RPGRIP1L: variants seen among roughly 807,000 people sequenced by gnomAD.
RPGRIP1L encodes the protein RPGRIP1 like, also known as protein fantom.
In RPGRIP1L, 131 loss-of-function variants were observed where a neutral mutation model predicts 160.4. The ratio of observed to expected loss-of-function variants is 0.82; its 90% CI spans 0.71 to 0.94. The LOEUF (loss-of-function observed/expected upper bound fraction) is 0.94. Ranked by LOEUF, RPGRIP1L falls within the 40% of genes least tolerant of loss-of-function variation. RPGRIP1L has a pLI of 0.00. For synonymous variants in RPGRIP1L, 510 were observed against 515.8 expected, an observed-to-expected ratio of 0.99 and a Z score of 0.15; for missense variants, 1,522 against 1,535.8, an observed-to-expected ratio of 0.99 and a Z score of 0.15.
intron 9 of RPGRIP1L, among the ~76,000 whole-genome samples, chr16:53,669,492 G>T (rs1968539354): frequency 1.3e-5 from 2 of 151,372 alleles, no homozygotes; most frequent in African/African-American, 4.8e-5. Flanking sequence ...TATACTCTTA[G>T]ATCATCTTCT....
chr16:53,605,608 G>A lies in RPGRIP1L; in HGVS notation c.3708C>T (p.Arg1236=), dbSNP rs751567660. 1.8e-5 allele frequency: 29 copies of A among 1,613,970 alleles called. No homozygotes were observed. The highest frequency in any genetic ancestry group is 2.5e-5 in the Non-Finnish European group (29 of 1,180,028). ...QKQEMPNRSL[R]FTVVSDPPED... ...CTGGAGGGTCACTGACCACGGTGAAGCGAAGGCTGGTAAGGCAGAGATCAG... is the reference window on the plus strand; with the variant it reads ...CTGGAGGGTCACTGACCACGGTGAAACGAAGGCTGGTAAGGCAGAGATCAG... The change falls in exon 26 of 27, where the codon CGC becomes CGT. Residue 1236 remains arginine, a synonymous_variant. Coordinates refer to ENST00000647211, the MANE Select transcript of RPGRIP1L (RefSeq NM_015272.5).
chr16:53,637,484 T>C (rs1965913840), intron 21 of RPGRIP1L, among the ~76,000 whole-genome samples: 5 of 152,180 alleles, frequency 3.3e-5, no homozygotes. Context: ...TGTATTCTAT[T>C]GTGGAGCTCC....
chr16:53,611,128 A>T (rs564293117), intron 24 of RPGRIP1L, 77 bp from the exon 25 acceptor site: 35 of 1,025,672 alleles, frequency 3.4e-5, no homozygotes, highest in South Asian at 3.1e-4. Context: ...CTGTATTTTT[A>T]AAAATACCTG....
intron 24 of RPGRIP1L, among the ~76,000 whole-genome samples, chr16:53,612,489 A>ATT (rs56935715): frequency 0.21 from 27,093 of 131,386 alleles, 2,818 homozygotes; most frequent in Middle Eastern, 0.33. Context: ...TCCAAATGGG[A>ATT]TTTTTTTTTT....
chr16:53,687,748 G>A (rs1039353796), intron 5 of RPGRIP1L, 115 bp downstream of exon 5: 33 of 725,198 alleles, frequency 4.6e-5, no homozygotes, highest in Non-Finnish European at 7.8e-5. Flanking sequence ...ACAGAACATA[G>A]CTGTATTTCA....
At chr16:53,698,492 T>G (rs1389072057) in intron 2 of RPGRIP1L, among the ~76,000 whole-genome samples, 14 of 96,032 alleles carry the variant, frequency 1.5e-4, no homozygotes, top group South Asian at 3.8e-4. Flanking sequence ...AGGAGGGAGG[T>G]TGGGGGGTCA....
At chr16:53,700,207 T>TA (rs1414697239) in intron 2 of RPGRIP1L, among the ~76,000 whole-genome samples, 1 of 152,190 alleles carries the variant, frequency 6.6e-6, no homozygotes, top group Non-Finnish European at 1.5e-5. Context: ...ATTAATTCGA[T>TA]AAAAAAGTCA....
chr16:53,695,684 A>C, intron 3 of RPGRIP1L: 1 of 485,596 alleles, frequency 2.1e-6, no homozygotes, highest in East Asian at 3.5e-5. Flanking sequence ...TCAATATAGA[A>C]TCTAGTATAA....
intron 19 of RPGRIP1L, among the ~76,000 whole-genome samples, chr16:53,639,443 CAT>C (rs1485434408): frequency 1.3e-5 from 2 of 151,866 alleles, no homozygotes; most frequent in African/African-American, 4.8e-5. Flanking sequence ...CTTAGAAAAA[CAT>C]AATTTTAAAT....
chr16:53,699,993 G>A (rs1971259045), intron 2 of RPGRIP1L, among the ~76,000 whole-genome samples: 1 of 152,196 alleles, frequency 6.6e-6, no homozygotes, highest in African/African-American at 2.4e-5. Context: ...TCAGGCTAGA[G>A]GGGGATTTTA....
intron 23 of RPGRIP1L, among the ~76,000 whole-genome samples, chr16:53,620,929 CA>C (rs983844171): frequency 6.6e-6 from 1 of 152,058 alleles, no homozygotes; most frequent in African/African-American, 2.4e-5. Context: ...AAGTCTTCTA[CA>C]TAAGTTGGAA....
intron 9 of RPGRIP1L, among the ~76,000 whole-genome samples, chr16:53,668,039 C>G (rs952046361): frequency 3.3e-5 from 5 of 150,632 alleles, no homozygotes; most frequent in Admixed American, 2.7e-4. Context: ...GCCTGGACAA[C>G]AGAGCAAGAT....
At position 53,674,555 on chromosome 16, in the gene RPGRIP1L, A is replaced by G. The variant is rs184150599; in HGVS notation, c.882+462T>C. 1.9e-3 allele frequency among the ~76,000 whole-genome samples: 287 copies of G among 152,302 alleles called. 2 individuals are homozygous for G. The highest frequency in any genetic ancestry group is 6.6e-3 in the African/African-American group (275 of 41,578). ...ATTTTCAGGTAATGGTAGTGACCAA[A>G]AAAGAAAAAAAAATTCAAATAAAAG... On this transcript the variant is annotated intron_variant, in intron 7 of 26. Coordinates refer to ENST00000647211, the MANE Select transcript of RPGRIP1L (RefSeq NM_015272.5).
At chr16:53,690,151 C>T (rs777668784) in intron 4 of RPGRIP1L, among the ~76,000 whole-genome samples, 1 of 152,146 alleles carries the variant, frequency 6.6e-6, no homozygotes, top group African/African-American at 2.4e-5. Context: ...GTTAAATGAT[C>T]TAATTAGACT....
At chr16:53,690,202 A>G (rs985007780) in intron 4 of RPGRIP1L, among the ~76,000 whole-genome samples, 1 of 152,160 alleles carries the variant, frequency 6.6e-6, no homozygotes, top group South Asian at 2.1e-4. Flanking sequence ...TTATAGACTT[A>G]TTTATTTATT....
In RPGRIP1L at chr16:53,622,361, CT is replaced by C; in HGVS notation, c.3295-6del. On this transcript the variant is annotated splice_polypyrimidine_tract_variant and splice_region_variant and intron_variant, in intron 22 of 26. Coordinates refer to ENST00000647211, the MANE Select transcript of RPGRIP1L (RefSeq NM_015272.5). ...CCCGGGAGACAATGCGAGACTCTGT[CT>C]CAAAAAAAAAAAAAAAATCTTAAGA... The C allele has an allele frequency of 1.8e-6, 1 of 557,864 alleles. No individual in the cohort carries two copies. The highest frequency in any genetic ancestry group is 3.2e-6 in the Non-Finnish European group (1 of 311,568). The allele number at this position is 557,864 out of a possible 1,614,324, so 34.6% of individuals were successfully genotyped here.
intron 10 of RPGRIP1L, among the ~76,000 whole-genome samples, chr16:53,663,343 T>G (rs1967968879): frequency 6.6e-6 from 1 of 152,002 alleles, no homozygotes; most frequent in Admixed American, 6.6e-5. Context: ...TTTACCCCCC[T>G]TAAGAAAAGC....
chr16:53,645,712 A>T lies in RPGRIP1L; in HGVS notation c.2596T>A (p.Phe866Ile). ...LKSESLSFYV[F>I]DDSDTQENIY... ...TTCTCCTGGGTATCACTATCATCAAAAACATAAAAACTCAGAGACTCTGAC... is the reference window on the plus strand; with the variant it reads ...TTCTCCTGGGTATCACTATCATCAATAACATAAAAACTCAGAGACTCTGAC... The change falls in exon 17 of 27, where the codon TTT becomes ATT. Residue 866 changes from phenylalanine (F) to isoleucine (I), a missense_variant. By Grantham distance (21) the Phe-to-Ile change is conservative. Transcript: ENST00000647211. 1.9e-6 allele frequency: 3 copies of T among 1,614,138 alleles called. No homozygotes were observed. The highest frequency in any genetic ancestry group is 2.5e-6 in the Non-Finnish European group (3 of 1,180,002).
rs566904697 is a variant in RPGRIP1L, at chr16:53,621,349, A to C, written c.3432+870T>G. 7.9e-5 allele frequency among the ~76,000 whole-genome samples: 12 copies of C among 152,228 alleles called. No homozygotes were observed. In the East Asian group the frequency reaches 2.3e-3, roughly 29 times the overall value. On this transcript the variant is annotated intron_variant, in intron 23 of 26. Transcript: ENST00000647211. ...ACAAAACCCCAAACACCAAAACAAC[A>C]AAAAAGAAAACTCACTGTATTATCA...
Sources: gnomAD v4.1 joint callset for allele counts (sites outside exome capture counted in the v4.1 genomes callset) on GRCh38, gnomAD v4.1.1 for gene constraint, MANE v1.5 for transcripts, NCBI Gene and HGNC (gene_info 2026-07-23, HGNC 2026-07-21) for gene names.